The following TNFRSF8 variants were observed in gnomAD, a reference collection of about 807,000 sequenced individuals.
TNFRSF8 encodes the protein tumor necrosis factor receptor superfamily member 8.
Under a neutral mutation model 70.8 loss-of-function variants are expected in TNFRSF8, and 26 were observed. That is an observed-to-expected ratio of 0.37 (90% CI 0.27 to 0.51). The LOEUF (loss-of-function observed/expected upper bound fraction) is 0.51, where lower values mean the gene tolerates loss of function less well. TNFRSF8 is among the 20% of genes least tolerant of loss of function. The pLI is 0.94. For synonymous variants in TNFRSF8, 356 were observed against 339.2 expected, an observed-to-expected ratio of 1.05 and a Z score of -0.54; for missense variants, 720 against 807.9, an observed-to-expected ratio of 0.89 and a Z score of 1.32.
Position 12,110,052 on chromosome 1 carries a change from C to T in TNFRSF8, c.524C>T (p.Pro175Leu). ...GGCTTCTTCCCCAGTGGCACCATCC[C>T]CCAGGCCAAGCCCACCCCGGTGTCC... ...NCKEPSSGTI[P>L]QAKPTPVSPA... Residue 175 changes from proline (P) to leucine (L), a missense_variant, in exon 6 of 15, where the codon CCC (proline) becomes CTC (leucine). Physicochemically the swap from Pro to Leu is moderately conservative, Grantham distance 98. Transcript: ENST00000263932. The surrounding 1 kb of genome is among the most constrained non-coding windows in gnomAD (Gnocchi z 4.0). 1 of 1,612,978 alleles carries T rather than the reference C, an allele frequency of 6.2e-7. No individual in the cohort carries two copies.
chr1:12,111,752 A>T, intron 6 of TNFRSF8, 146 bp from the exon 7 acceptor site: 1 of 701,754 alleles, frequency 1.4e-6, no homozygotes, highest in Non-Finnish European at 2.6e-6. Flanking sequence ...TCTGAGCCTC[A>T]GGACTCCCTC....
intron 12 of TNFRSF8, among the ~76,000 whole-genome samples, chr1:12,131,502 AGTTTTTTGTTTTTT>A (rs75740253): frequency 2.0e-5 from 3 of 150,742 alleles, no homozygotes; most frequent in Admixed American, 6.6e-5. Context: ...TTCATTTTTA[AGTTTTTTGTTTTTT>A]GTTTTTTGTT....
chr1:12,132,441 C>T (rs1157770419), intron 12 of TNFRSF8, among the ~76,000 whole-genome samples: 1 of 152,196 alleles, frequency 6.6e-6, no homozygotes, highest in Non-Finnish European at 1.5e-5. Flanking sequence ...AGGTGTTTTG[C>T]GGGACGCCTG....
At chr1:12,096,785 A>T (rs1401386558) in intron 2 of TNFRSF8, among the ~76,000 whole-genome samples, 1 of 143,654 alleles carries the variant, frequency 7.0e-6, no homozygotes, top group Admixed American at 7.3e-5. Flanking sequence ...CGTACTATGT[A>T]CCCTCACACA....
chr1:12,116,335 A>T (rs1641729612), intron 8 of TNFRSF8, among the ~76,000 whole-genome samples: 1 of 152,214 alleles, frequency 6.6e-6, no homozygotes, highest in African/African-American at 2.4e-5. Flanking sequence ...ACTTAGAGAG[A>T]TGAATATCAA....
intron 3 of TNFRSF8, among the ~76,000 whole-genome samples, chr1:12,097,517 G>A (rs780223328): frequency 3.7e-4 from 57 of 152,150 alleles, no homozygotes; most frequent in Non-Finnish European, 6.6e-4. Flanking sequence ...ACTTTACAAT[G>A]AGGAATTTGA....
Position 12,063,852 on chromosome 1 carries a change from G to C in TNFRSF8, c.63+191G>C, listed in dbSNP as rs948776548. Among the ~76,000 whole-genome samples, 2 of 152,202 alleles carry C rather than the reference G, an allele frequency of 1.3e-5. No homozygotes were observed. Among genetic ancestry groups the C allele is most frequent in the Non-Finnish European group, 2.9e-5 (2 of 68,030 alleles). ...GTGGGAGGCTGGCTGAAGGGCTAGT[G>C]GTGGGGGGCGCCTCCTTCTCACCCC... On this transcript the variant is annotated intron_variant, in intron 1 of 14. Transcript: ENST00000263932. This position sits in a 1 kb window ranked among gnomAD's most constrained non-coding sequence, Gnocchi z 7.2.
chr1:12,071,610 T>C (rs531448668), intron 1 of TNFRSF8, among the ~76,000 whole-genome samples: 1 of 150,964 alleles, frequency 6.6e-6, no homozygotes, highest in African/African-American at 2.4e-5. Context: ...CTCTCTCTCT[T>C]TTTTTTTTGA....
intron 2 of TNFRSF8, among the ~76,000 whole-genome samples, chr1:12,092,795 A>G (rs368974304): frequency 4.7e-4 from 71 of 150,150 alleles, no homozygotes; most frequent in African/African-American, 1.6e-3. Context: ...GGTGTGAGCC[A>G]CCGCGCCCGA....
intron 1 of TNFRSF8, chr1:12,080,165 T>G (rs1352423450): frequency 1.6e-5 from 7 of 447,908 alleles, no homozygotes; most frequent in Non-Finnish European, 4.4e-6. Context: ...GCCAGGCTGG[T>G]CTTGAACTCC....
Position 12,097,123 on chromosome 1 carries a change from C to T in TNFRSF8, c.174C>T (p.Cys58=). The T allele has an allele frequency of 6.2e-7, 1 of 1,613,902 alleles. No individual in the cohort carries two copies. The highest frequency in any genetic ancestry group is 8.5e-7 in the Non-Finnish European group (1 of 1,179,898). The stretch of plus-strand genomic sequence containing the variant: ...CAGGGCTGTTCCCGACACAGCAGTG[C>T]CCACAGAGGCCTACTGACTGCAGGA... ...CPMGLFPTQQ[C]PQRPTDCRKQ... is the part of the protein sequence containing the mutation. Residue 58 remains cysteine, a synonymous_variant, in exon 3 of 15, where the codon TGC becomes TGT. Coordinates refer to ENST00000263932, the MANE Select transcript of TNFRSF8 (RefSeq NM_001243.5).
chr1:12,070,016 G>A (rs1338705307), intron 1 of TNFRSF8, among the ~76,000 whole-genome samples: 1 of 152,206 alleles, frequency 6.6e-6, no homozygotes, highest in Admixed American at 6.5e-5. Flanking sequence ...AGGGAAGTGA[G>A]TGGAGAGGGG....
chr1:12,076,086 C>CTCT (rs58965655), intron 1 of TNFRSF8, among the ~76,000 whole-genome samples: 36,159 of 133,520 alleles, frequency 0.27, 5,333 homozygotes, highest in South Asian at 0.37. Flanking sequence ...TGGTTTTATT[C>CTCT]TTTTTTTTTT....
At chr1:12,095,132 G>A (rs899706914) in intron 2 of TNFRSF8, among the ~76,000 whole-genome samples, 15 of 152,268 alleles carry the variant, frequency 9.9e-5, no homozygotes, top group Non-Finnish European at 1.5e-4. Context: ...TGTAGTACAC[G>A]GCTTTGTCCT....
At chr1:12,101,148 G>A (rs964836108) in intron 3 of TNFRSF8, among the ~76,000 whole-genome samples, 5 of 152,100 alleles carry the variant, frequency 3.3e-5, no homozygotes, top group East Asian at 1.9e-4. Flanking sequence ...TGATAAGGCC[G>A]GCTTGGTGGC....
At chr1:12,083,791 C>G (rs1641105557) in intron 1 of TNFRSF8, among the ~76,000 whole-genome samples, 1 of 152,230 alleles carries the variant, frequency 6.6e-6, no homozygotes. Flanking sequence ...TTATTTGCAA[C>G]AGTGCGAATG....
At chr1:12,080,227 G>T in intron 1 of TNFRSF8, 1 of 512,698 alleles carries the variant, frequency 2.0e-6, no homozygotes, top group Non-Finnish European at 3.9e-6. Context: ...GAGATTACAG[G>T]CATGAGCCAC....
chr1:12,079,841 C>T (rs1641032266), intron 1 of TNFRSF8, among the ~76,000 whole-genome samples: 1 of 152,134 alleles, frequency 6.6e-6, no homozygotes, highest in Non-Finnish European at 1.5e-5. Flanking sequence ...CATTTCGTGT[C>T]CTTGAGATGC....
chr1:12,088,817 TA>T lies in TNFRSF8; in HGVS notation c.151+4269del, dbSNP rs1319461788. Among the ~76,000 whole-genome samples the T allele has an allele frequency of 6.6e-6, 1 of 152,232 alleles. No individual in the cohort carries two copies. On this transcript the variant is annotated intron_variant, in intron 2 of 14. Coordinates refer to ENST00000263932, the MANE Select transcript of TNFRSF8 (RefSeq NM_001243.5). This position sits in a 1 kb window ranked among gnomAD's most constrained non-coding sequence, Gnocchi z 4.0. ...TCCCCCAGCTTCCGCTGCCCTTGGGTAAAGCTCAGCTTTGTGCATGGGCACG... is the reference window on the plus strand; with the variant it reads ...TCCCCCAGCTTCCGCTGCCCTTGGGTAAGCTCAGCTTTGTGCATGGGCACG...
Sources: gnomAD v4.1 joint callset for allele counts (sites outside exome capture counted in the v4.1 genomes callset) on GRCh38, gnomAD v4.1.1 for gene constraint, Gnocchi (gnomAD v3.1) non-coding constraint, MANE v1.5 for transcripts, NCBI Gene and HGNC (gene_info 2026-07-23, HGNC 2026-07-21) for gene names.